Variants in ADCY9 observed in about 807,000 individuals in gnomAD.
The protein encoded by ADCY9 is adenylate cyclase 9, also known as adenylate cyclase type 9.
ADCY9 carries 50 observed loss-of-function variants against 101.5 expected under a neutral mutation model. That is an observed-to-expected ratio of 0.49 (90% confidence interval 0.39 to 0.62). ADCY9 has a LOEUF of 0.62. ADCY9 is among the 20% of genes least tolerant of loss of function. The pLI, the probability that ADCY9 is intolerant of heterozygous loss-of-function variation, is 0.00. For synonymous variants in ADCY9, 905 were observed against 769.3 expected (o/e 1.18, Z -2.92); for missense variants, 1,662 against 1,800.4 (o/e 0.92, Z 1.39).
chr16:4,115,153 G>C lies in ADCY9; in HGVS notation c.290C>G (p.Ser97Trp). ...SSRWWDPKFDSVNLEEACLER... is the reference protein window; with the variant it reads ...SSRWWDPKFDWVNLEEACLER... ...CAGGCAGGCCTCCTCCAGGTTCACC[G>C]AGTCGAACTTGGGGTCCCACCAGCG... Residue 97 changes from serine (S) to tryptophan (W), a missense_variant, in exon 2 of 11, where the codon TCG becomes TGG. By Grantham distance (177) the Ser-to-Trp change is radical. This residue lies in a region of ADCY9 where 422 missense variants were observed against 392.0 expected (regional missense o/e 1.08). Coordinates refer to ENST00000294016, the MANE Select transcript of ADCY9 (RefSeq NM_001116.4). The surrounding 1 kb of genome is among the most constrained non-coding windows in gnomAD (Gnocchi z 6.2). 2 of 1,613,826 alleles carry C rather than the reference G, an allele frequency of 1.2e-6. No homozygotes were observed. The highest frequency in any genetic ancestry group is 1.7e-6 in the Non-Finnish European group (2 of 1,180,028).
rs577066622 is a variant in ADCY9, at chr16:4,042,571, T to C, written c.1694-35013A>G. Among the ~76,000 whole-genome samples the C allele has an allele frequency of 5.3e-5, 8 of 152,348 alleles. No individual in the cohort carries two copies. In the South Asian group the frequency reaches 1.7e-3, roughly 32 times the overall value. On this transcript the variant is annotated intron_variant, in intron 2 of 10. Transcript: ENST00000294016. ...AGATAAGTTCCCAGAGGACCTGCATTCCATTCAATTGTTGGTTGAACTATA... is the reference window on the plus strand; with the variant it reads ...AGATAAGTTCCCAGAGGACCTGCATCCCATTCAATTGTTGGTTGAACTATA...
intron 2 of ADCY9, among the ~76,000 whole-genome samples, chr16:4,023,366 C>T (rs1030064372): frequency 1.3e-5 from 2 of 152,156 alleles, no homozygotes; most frequent in Admixed American, 6.5e-5. Flanking sequence ...ACCCAACATG[C>T]GGTTTGGACA....
intron 6 of ADCY9, chr16:3,983,719 A>T: frequency 2.1e-6 from 1 of 467,922 alleles, no homozygotes; most frequent in Non-Finnish European, 3.9e-6. Context: ...GCTGGAGCCC[A>T]GGAGTTCCCG....
intron 2 of ADCY9, among the ~76,000 whole-genome samples, chr16:4,085,233 A>G (rs2056930238): frequency 6.6e-6 from 1 of 152,108 alleles, no homozygotes. Context: ...ATGGTGGCGC[A>G]TACCTATAAT....
At chr16:4,000,687 C>G (rs2238446) in intron 3 of ADCY9, among the ~76,000 whole-genome samples, 12,807 of 151,876 alleles carry the variant, frequency 0.084, 753 homozygotes, top group East Asian at 0.28. Flanking sequence ...CCACACGGGG[C>G]GGAGTCGAAA....
chr16:3,955,418 G>A (rs2055901797), intron 5 of ADCY9, among the ~76,000 whole-genome samples: 4 of 152,128 alleles, frequency 2.6e-5, no homozygotes, highest in Admixed American at 2.0e-4. Flanking sequence ...TTGAATTAAT[G>A]TCCTGAAAGT....
At chr16:4,083,891 T>C (rs961832484) in intron 2 of ADCY9, among the ~76,000 whole-genome samples, 2 of 152,142 alleles carry the variant, frequency 1.3e-5, no homozygotes, top group African/African-American at 2.4e-5. Context: ...CGGGCTTCTC[T>C]GTCGAGTGAA....
intron 2 of ADCY9, among the ~76,000 whole-genome samples, chr16:4,019,067 C>G (rs903959324): frequency 6.6e-6 from 1 of 151,406 alleles, no homozygotes; most frequent in Non-Finnish European, 1.5e-5. Context: ...CCTCGACGTC[C>G]TGGGCTCAAG....
At chr16:3,960,546 A>AACAACAACG (rs138401500), downstream of ADCY9, among the ~76,000 whole-genome samples, 1,407 of 152,224 alleles carry the variant, frequency 9.2e-3, 17 homozygotes, top group African/African-American at 0.032. Flanking sequence ...ACGAAACAAC[A>AACAACAACG]ACAACAAAAA....
intron 3 of ADCY9, among the ~76,000 whole-genome samples, chr16:3,996,391 T>C (rs1203954939): frequency 6.6e-6 from 1 of 152,122 alleles, no homozygotes; most frequent in Non-Finnish European, 1.5e-5. Context: ...TAAATATGTA[T>C]ATATTTGCCA....
Position 3,967,079 on chromosome 16 carries a change from A to G in ADCY9, c.2871-113T>C, listed in dbSNP as rs1597132427. Reference sequence around the variant, plus strand: ...TGAGTCCAGGCCTTCAACAACCTGAAGCTGTCAAGCTGCCCATTCCTGGTT... The same window carrying G: ...TGAGTCCAGGCCTTCAACAACCTGAGGCTGTCAAGCTGCCCATTCCTGGTT... On this transcript the variant is annotated intron_variant, in intron 10 of 10. Transcript: ENST00000294016. The G allele has an allele frequency of 8.7e-6, 7 of 808,972 alleles. No individual in the cohort carries two copies. In the East Asian group the frequency reaches 1.8e-4, roughly 21 times the overall value. The allele number at this position is 808,972 out of a possible 1,614,324, so 50.1% of individuals were successfully genotyped here.
rs567229048 is a variant in ADCY9, at chr16:4,084,214, T to C, written c.1693+29536A>G. 4.4e-3 allele frequency among the ~76,000 whole-genome samples: 664 copies of C among 151,670 alleles called. 4 individuals carry two copies. The highest frequency in any genetic ancestry group is 6.4e-3 in the Non-Finnish European group (434 of 67,728). Reference sequence around the variant, plus strand: ...GCAACCTCCGCCTCCTGGGTTCAAGTGATTCTCCTGCCTCAGCCTCCCAAG... The same window carrying C: ...GCAACCTCCGCCTCCTGGGTTCAAGCGATTCTCCTGCCTCAGCCTCCCAAG... On this transcript the variant is annotated intron_variant, in intron 2 of 10. Coordinates refer to ENST00000294016, the MANE Select transcript of ADCY9 (RefSeq NM_001116.4).
chr16:3,994,373 G>A (rs760930914), intron 3 of ADCY9, among the ~76,000 whole-genome samples: 4 of 152,188 alleles, frequency 2.6e-5, no homozygotes, highest in Non-Finnish European at 5.9e-5. Context: ...TGATAAAAAT[G>A]TTCTGAAATT....
intron 2 of ADCY9, among the ~76,000 whole-genome samples, chr16:4,036,735 T>C (rs2056592964): frequency 6.6e-6 from 1 of 152,116 alleles, no homozygotes; most frequent in African/African-American, 2.4e-5. Flanking sequence ...GTGCTGGGAT[T>C]ATAGGCGGGA....
rs2055977789 is a variant in ADCY9, at chr16:3,965,166, G to C, written c.*609C>G. On this transcript the variant is annotated 3_prime_UTR_variant, in exon 11 of 11. Coordinates refer to ENST00000294016, the MANE Select transcript of ADCY9 (RefSeq NM_001116.4). ...CCCACGGGGCGCGGTGCTCGGGAAA[G>C]TGCGGGTGGGCAATGGGGGGTGGCG... 6.3e-6 allele frequency: 1 copy of C among 157,492 alleles called. No homozygotes were observed. The highest frequency in any genetic ancestry group is 1.4e-5 in the Non-Finnish European group (1 of 71,322). The allele number at this position is 157,492 out of a possible 1,614,324, so 9.8% of individuals were successfully genotyped here.
intron 2 of ADCY9, chr16:4,033,010 A>C (rs2056566546): frequency 1.3e-5 from 2 of 152,208 alleles, no homozygotes; most frequent in African/African-American, 4.8e-5. Flanking sequence ...AATCACAACA[A>C]TGCCGCCGTC....
rs1476708566 is a variant in ADCY9 at position 4,115,562 on chromosome 16, CCTA to C, written c.-43-80_-43-78del. On this transcript the variant is annotated intron_variant, in intron 1 of 10. Coordinates refer to ENST00000294016, the MANE Select transcript of ADCY9 (RefSeq NM_001116.4). This position sits in a 1 kb window ranked among gnomAD's most constrained non-coding sequence, Gnocchi z 6.2. ...CTAGAGGCCCGGGACCTGCTCCTGT[CCTA>C]AGGGGCGGCTCCAGCACGCGACCTG... 1.3e-5 allele frequency: 16 copies of C among 1,271,022 alleles called. No homozygotes were observed. The highest frequency in any genetic ancestry group is 1.6e-5 in the Non-Finnish European group (15 of 950,180). The allele number at this position is 1,271,022 out of a possible 1,614,324, so 78.7% of individuals were successfully genotyped here.
chr16:4,030,957 A>G (rs1336163518), intron 2 of ADCY9, among the ~76,000 whole-genome samples: 1 of 152,162 alleles, frequency 6.6e-6, no homozygotes, highest in Non-Finnish European at 1.5e-5. Flanking sequence ...TTACACTTCA[A>G]TGCAAAATTT....
intron 2 of ADCY9, among the ~76,000 whole-genome samples, chr16:4,063,218 G>C (rs905330671): frequency 1.3e-5 from 2 of 152,004 alleles, no homozygotes; most frequent in East Asian, 3.9e-4. Context: ...CAACTACTTA[G>C]AAATTAGAAA....
Sources: allele counts gnomAD v4.1 joint callset (sites outside exome capture counted in the v4.1 genomes callset), GRCh38; gene constraint gnomAD v4.1.1; regional missense constraint gnomAD v4.1.1; non-coding constraint Gnocchi (gnomAD v3.1); transcripts MANE v1.5; gene names NCBI Gene and HGNC (gene_info 2026-07-23, HGNC 2026-07-21).